Variants in ACSS2 observed in about 807,000 individuals in gnomAD.
ACSS2 encodes the protein acyl-CoA synthetase short chain family member 2.
ACSS2 carries 58 observed loss-of-function variants against 90.6 expected under a neutral mutation model. The ratio of observed to expected loss-of-function variants is 0.64; its 90% CI spans 0.52 to 0.80. ACSS2 has a LOEUF of 0.80. ACSS2 is among the 30% of genes least tolerant of loss of function. ACSS2 has a pLI of 0.00. For missense variants in ACSS2, 759 were observed against 912.0 expected, an observed-to-expected ratio of 0.83 and a Z score of 2.16; for synonymous variants, 300 against 330.9, an observed-to-expected ratio of 0.91 and a Z score of 1.01.
At chr20:34,886,593 C>T (rs925904082) in intron 2 of ACSS2, among the ~76,000 whole-genome samples, 1 of 152,130 alleles carries the variant, frequency 6.6e-6, no homozygotes, top group African/African-American at 2.4e-5. Context: ...CACTGCCCTC[C>T]AGCCTGGGTG....
chr20:34,927,070 G>C lies in ACSS2; in HGVS notation c.1979-17G>C, dbSNP rs551656937. 6.2e-7 allele frequency: 1 copy of C among 1,614,146 alleles called. No individual in the cohort carries two copies. Among genetic ancestry groups the C allele is most frequent in the Admixed American group, 1.7e-5 (1 of 60,014 alleles). ...TCAGTGCTTTCACCAAGTAACTAGA[G>C]GTCTGTGGTTCCCCAGGGAAAATCA... On this transcript the variant is annotated splice_polypyrimidine_tract_variant and intron_variant, in intron 17 of 17. Coordinates refer to ENST00000360596, the MANE Select transcript of ACSS2 (RefSeq NM_018677.4). The surrounding 1 kb of genome is among the most constrained non-coding windows in gnomAD (Gnocchi z 4.2).
chr20:34,914,980 G>T lies in ACSS2; in HGVS notation c.834+543G>T, dbSNP rs529791743. 7.4e-4 allele frequency among the ~76,000 whole-genome samples: 113 copies of T among 152,270 alleles called. 1 individual carries two copies. In the South Asian group the frequency reaches 8.5e-3, roughly 11 times the overall value. ...GGGGTTGAGTAAGAGTCTGTGACTT[G>T]AGGCTCCCTGAGGGGTCTTAGGGCT... On this transcript the variant is annotated intron_variant, in intron 7 of 17. Transcript: ENST00000360596.
intron 2 of ACSS2, among the ~76,000 whole-genome samples, chr20:34,910,019 AT>A (rs11482260): frequency 6.5e-4 from 90 of 137,994 alleles, no homozygotes; most frequent in Admixed American, 6.6e-4. Flanking sequence ...GCCTGGCCAA[AT>A]TTTTTTTTTT....
At position 34,904,905 on chromosome 20, in the gene ACSS2, C is replaced by CT. The variant is rs10542624; in HGVS notation, c.375-8169dup. ...TTTGTTTGATTCACAGTGTTTAAAC[C>CT]TTTTTTTTTTTTTTTTTTTTTTGGT... On this transcript the variant is annotated intron_variant, in intron 2 of 17. Coordinates refer to ENST00000360596, the MANE Select transcript of ACSS2 (RefSeq NM_018677.4). 9.6e-3 allele frequency among the ~76,000 whole-genome samples: 907 copies of CT among 94,548 alleles called. 8 individuals are homozygous for CT. The highest frequency in any genetic ancestry group is 0.028 in the East Asian group (101 of 3,668). The allele number at this position is 94,548 out of a possible 152,430, so 62.0% of individuals were successfully genotyped here. A position where few individuals can be genotyped will look rare whatever the true frequency, so the allele number is the denominator to read the frequency against.
intron 2 of ACSS2, among the ~76,000 whole-genome samples, chr20:34,911,774 A>T (rs774338859): frequency 4.6e-5 from 7 of 152,192 alleles, no homozygotes; most frequent in African/African-American, 7.2e-5. Flanking sequence ...TATAAGCTCC[A>T]TGATATCAGG....
chr20:34,884,330 A>G (rs999245227), intron 2 of ACSS2, among the ~76,000 whole-genome samples: 1 of 152,194 alleles, frequency 6.6e-6, no homozygotes, highest in African/African-American at 2.4e-5. Context: ...AACTCACTCA[A>G]TATCTTTGCC....
chr20:34,889,866 T>A (rs1467889649), intron 2 of ACSS2, among the ~76,000 whole-genome samples: 1 of 152,134 alleles, frequency 6.6e-6, no homozygotes, highest in Non-Finnish European at 1.5e-5. Context: ...GGTCCAGGTA[T>A]GGGAGATCTT....
intron 2 of ACSS2, among the ~76,000 whole-genome samples, chr20:34,892,382 A>G: frequency 6.6e-6 from 1 of 152,212 alleles, no homozygotes; most frequent in East Asian, 1.9e-4. Context: ...TGAACCTCTG[A>G]GAATTCAAGA....
chr20:34,909,222 G>T (rs528230484), intron 2 of ACSS2, among the ~76,000 whole-genome samples: 1 of 145,726 alleles, frequency 6.9e-6, no homozygotes, highest in African/African-American at 2.5e-5. Flanking sequence ...AAAAAAGGTA[G>T]CCAGACATGG....
intron 2 of ACSS2, among the ~76,000 whole-genome samples, chr20:34,912,883 A>G (rs1340072028): frequency 6.6e-6 from 1 of 152,254 alleles, no homozygotes; most frequent in Non-Finnish European, 1.5e-5. Flanking sequence ...TTCTAATGAC[A>G]TACAACATGT....
At chr20:34,892,336 T>C (rs1006491960) in intron 2 of ACSS2, among the ~76,000 whole-genome samples, 1 of 152,112 alleles carries the variant, frequency 6.6e-6, no homozygotes, top group Non-Finnish European at 1.5e-5. Flanking sequence ...TTGGGAGAGG[T>C]TGGGCACTGG....
chr20:34,888,943 T>A (rs1226080322), intron 2 of ACSS2, among the ~76,000 whole-genome samples: 1 of 151,800 alleles, frequency 6.6e-6, no homozygotes, highest in Admixed American at 6.6e-5. Flanking sequence ...TCATGTCACA[T>A]CTTGAAAGCC....
chr20:34,891,145 A>G (rs2080325590), intron 2 of ACSS2, among the ~76,000 whole-genome samples: 1 of 152,136 alleles, frequency 6.6e-6, no homozygotes, highest in African/African-American at 2.4e-5. Flanking sequence ...CACCTTCTCA[A>G]ATACACACAC....
intron 2 of ACSS2, among the ~76,000 whole-genome samples, chr20:34,905,630 C>T (rs1228150512): frequency 6.6e-6 from 1 of 152,124 alleles, no homozygotes; most frequent in Non-Finnish European, 1.5e-5. Flanking sequence ...CAACATTGAG[C>T]CCTGATTCCT....
At chr20:34,903,015 G>A (rs1370856734) in intron 2 of ACSS2, among the ~76,000 whole-genome samples, 1 of 151,090 alleles carries the variant, frequency 6.6e-6, no homozygotes, top group Non-Finnish European at 1.5e-5. Flanking sequence ...TTACAGGCAT[G>A]AGCCACCATG....
chr20:34,916,539 T>A (rs976891619), intron 7 of ACSS2, among the ~76,000 whole-genome samples: 1 of 152,142 alleles, frequency 6.6e-6, no homozygotes, highest in Non-Finnish European at 1.5e-5. Flanking sequence ...CCAGAGACCT[T>A]CAGGCCAAAG....
In ACSS2 at chr20:34,876,725, G is replaced by T; in HGVS notation, c.80G>T (p.Arg27Leu). 1 of 1,444,788 alleles carries T rather than the reference G, an allele frequency of 6.9e-7. No homozygotes were observed. The highest frequency in any genetic ancestry group is 9.2e-7 in the Non-Finnish European group (1 of 1,090,536). The allele number at this position is 1,444,788 out of a possible 1,614,324, so 89.5% of individuals were successfully genotyped here. ...QEEAGAGGRA[R>L]SWSPPPEVSR... is the part of the protein sequence containing the mutation. Reference sequence around the variant, plus strand: ...GAAGCTGGAGCCGGAGGCCGGGCGCGGAGTTGGTCTCCGCCGCCCGAGGTC... The same window carrying T: ...GAAGCTGGAGCCGGAGGCCGGGCGCTGAGTTGGTCTCCGCCGCCCGAGGTC... Residue 27 changes from arginine (R) to leucine (L), a missense_variant, in exon 1 of 18, where the codon CGG becomes CTG. Transcript: ENST00000360596.
chr20:34,914,164 C>T lies in ACSS2; in HGVS notation c.712C>T (p.Gln238Ter), dbSNP rs771014417. 6.2e-7 allele frequency: 1 copy of T among 1,614,016 alleles called. No individual in the cohort carries two copies. Among genetic ancestry groups the T allele is most frequent in the African/African-American group, 1.3e-5 (1 of 74,932 alleles). The change falls in exon 6 of 18, where the codon CAG (glutamine) becomes TAG (stop). Residue 238 changes from glutamine (Q) to a stop codon, truncating the protein, a stop_gained. Coordinates refer to ENST00000360596, the MANE Select transcript of ACSS2 (RefSeq NM_018677.4). LOFTEE classifies it high-confidence loss of function. ...GGCTGACGAGGCCCTGCAGAAGTGT[C>T]AGGAGAAGTAAGTGTGTTTGGCTAC... is the stretch of plus-strand genomic sequence containing the variant. ...ELADEALQKC[Q>*]EKGFPVRCCI...
chr20:34,919,692 T>C (rs906237310), intron 8 of ACSS2, 120 bp downstream of exon 8: 1 of 1,390,202 alleles, frequency 7.2e-7, no homozygotes, highest in African/African-American at 1.4e-5. Context: ...CAACCCTGAG[T>C]TTTGGAAATG....
Sources: gnomAD v4.1 joint callset for allele counts (sites outside exome capture counted in the v4.1 genomes callset) on GRCh38, gnomAD v4.1.1 for gene constraint, Gnocchi (gnomAD v3.1) non-coding constraint, MANE v1.5 for transcripts, NCBI Gene and HGNC (gene_info 2026-07-23, HGNC 2026-07-21) for gene names.